Variants in DRD3 observed in about 807,000 individuals in gnomAD.
DRD3 encodes D(3) dopamine receptor.
Under a neutral mutation model 36.3 loss-of-function variants are expected in DRD3, and 19 were observed. The ratio of observed to expected loss-of-function variants is 0.52; its 90% CI spans 0.36 to 0.77. The LOEUF is 0.77. Ranked by LOEUF, DRD3 falls within the 30% of genes least tolerant of loss-of-function variation. DRD3 has a pLI of 0.00. For missense variants in DRD3, 465 were observed against 505.3 expected, an observed-to-expected ratio of 0.92 and a Z score of 0.77; for synonymous variants, 195 against 203.7, an observed-to-expected ratio of 0.96 and a Z score of 0.36.
chr3:114,139,547 G>T lies in DRD3; in HGVS notation c.676C>A (p.Arg226=). ...KQRRRKRILT[R]QNSQCNSVRP... is the part of the protein sequence containing the mutation. ...ACACTGTTGCACTGACTGTTCTGTC[G>T]AGTGAGGATCCTTTTCCGTCTCCTT... Residue 226 remains arginine, a synonymous_variant, in exon 5 of 7, where the codon CGA becomes AGA. Transcript: ENST00000383673. 3.1e-6 allele frequency: 5 copies of T among 1,614,074 alleles called. No individual in the cohort carries two copies. Among genetic ancestry groups the T allele is most frequent in the Non-Finnish European group, 4.2e-6 (5 of 1,179,996 alleles).
intron 4 of DRD3, among the ~76,000 whole-genome samples, chr3:114,146,698 CAA>C (rs72463214): frequency 5.0e-4 from 29 of 58,098 alleles, no homozygotes; most frequent in Middle Eastern, 0.01. Context: ...GACTTGGTCT[CAA>C]AAAAAAAAAA....
chr3:114,198,519 C>T (rs542433698), intron 1 of DRD3, among the ~76,000 whole-genome samples: 9 of 152,204 alleles, frequency 5.9e-5, no homozygotes, highest in Admixed American at 2.6e-4. Context: ...TCGTATTCTG[C>T]ACCTTACTTA....
At chr3:114,180,799 G>A (rs564267595), upstream of DRD3, among the ~76,000 whole-genome samples, 12 of 152,212 alleles carry the variant, frequency 7.9e-5, no homozygotes, top group South Asian at 2.3e-3. Context: ...TGAACTCCAA[G>A]GCTTTTCTTC....
chr3:114,161,576 G>A (rs2077733568), intron 2 of DRD3, among the ~76,000 whole-genome samples: 1 of 152,126 alleles, frequency 6.6e-6, no homozygotes, highest in Non-Finnish European at 1.5e-5. Flanking sequence ...AAGCAACAAT[G>A]AAAATTAAAA....
At chr3:114,153,426 G>A (rs2077636990) in intron 3 of DRD3, among the ~76,000 whole-genome samples, 1 of 152,064 alleles carries the variant, frequency 6.6e-6, no homozygotes, top group South Asian at 2.1e-4. Flanking sequence ...CCTGATATCA[G>A]GTAATATTAA....
chr3:114,149,646 T>A (rs1379924887), intron 3 of DRD3, among the ~76,000 whole-genome samples: 1 of 152,180 alleles, frequency 6.6e-6, no homozygotes, highest in Non-Finnish European at 1.5e-5. Context: ...AAAGGGAGAT[T>A]ATCTTGAGTG....
chr3:114,189,748 A>G (rs944263101), intron 1 of DRD3, among the ~76,000 whole-genome samples: 1 of 152,144 alleles, frequency 6.6e-6, no homozygotes, highest in South Asian at 2.1e-4. Context: ...CCTTTCTAGT[A>G]CCTGTCTTGC....
At chr3:114,193,486 C>T (rs1356284732) in intron 1 of DRD3, among the ~76,000 whole-genome samples, 1 of 152,192 alleles carries the variant, frequency 6.6e-6, no homozygotes, top group Non-Finnish European at 1.5e-5. Flanking sequence ...GCTCTTCCAG[C>T]CTGAAGGCTC....
rs866207080 is a variant in DRD3, at chr3:114,171,786, C to T, written c.207G>A (p.Val69=). The T allele has an allele frequency of 1.2e-6, 2 of 1,613,566 alleles. No individual in the cohort carries two copies. Among genetic ancestry groups the T allele is most frequent in the Non-Finnish European group, 1.7e-6 (2 of 1,179,720 alleles). The change falls in exon 2 of 7, where the codon GTG becomes GTA. Residue 69 remains valine, a synonymous_variant. Transcript: ENST00000383673. ...CCAGCAAGTCTGCCACAGCCAGGCTCACTACTAAGTAGTTGGTGGTAGTCT... is the reference window on the plus strand; with the variant it reads ...CCAGCAAGTCTGCCACAGCCAGGCTTACTACTAAGTAGTTGGTGGTAGTCT... ...ALQTTTNYLV[V]SLAVADLLVA... is the part of the protein sequence containing the mutation.
At chr3:114,197,568 T>C (rs113052131) in intron 1 of DRD3, among the ~76,000 whole-genome samples, 2,233 of 151,842 alleles carry the variant, frequency 0.015, 28 homozygotes, top group Middle Eastern at 0.034. Flanking sequence ...AAAAGTTTAG[T>C]ATTATCAGGT....
intron 2 of DRD3, among the ~76,000 whole-genome samples, chr3:114,162,419 G>A (rs914450137): frequency 6.6e-6 from 1 of 152,144 alleles, no homozygotes; most frequent in Non-Finnish European, 1.5e-5. Flanking sequence ...ACACCAACAG[G>A]AGCAGGAAGA....
chr3:114,132,830 TG>T (rs2077442792), intron 5 of DRD3, among the ~76,000 whole-genome samples: 1 of 152,238 alleles, frequency 6.6e-6, no homozygotes, highest in African/African-American at 2.4e-5. Flanking sequence ...TTGCAAAATA[TG>T]TGCCTTATTT....
chr3:114,152,561 C>G (rs946770190), intron 3 of DRD3, among the ~76,000 whole-genome samples: 1 of 152,208 alleles, frequency 6.6e-6, no homozygotes, highest in Non-Finnish European at 1.5e-5. Context: ...CCCCGCTTGT[C>G]ATAAGCCGAC....
In DRD3 at chr3:114,128,270, A is replaced by G. The variant is rs1372669955; in HGVS notation, c.*446T>C. Among the ~76,000 whole-genome samples, 1 of 152,228 alleles carries G rather than the reference A, an allele frequency of 6.6e-6. No individual in the cohort carries two copies. The highest frequency in any genetic ancestry group is 2.4e-5 in the African/African-American group (1 of 41,460). On this transcript the variant is annotated 3_prime_UTR_variant, in exon 7 of 7. Transcript: ENST00000383673. ...AAATGACCAAGAGGAATGGGCCCGT[A>G]AAAGTACAAGGTTAGCCTGACAGTT...
chr3:114,198,067 CATAAACAA>C (rs1334556198), intron 1 of DRD3, among the ~76,000 whole-genome samples: 1 of 152,114 alleles, frequency 6.6e-6, no homozygotes, highest in East Asian at 1.9e-4. Context: ...TCTTTTAACA[CATAAACAA>C]AAGTAAATCT....
chr3:114,129,468 G>A (rs1193689454), intron 6 of DRD3, among the ~76,000 whole-genome samples: 5 of 152,170 alleles, frequency 3.3e-5, no homozygotes, highest in Non-Finnish European at 7.3e-5. Context: ...TACTAAATCA[G>A]TTTTCTAGTT....
At chr3:114,161,475 A>C (rs917895705) in intron 2 of DRD3, among the ~76,000 whole-genome samples, 1 of 152,084 alleles carries the variant, frequency 6.6e-6, no homozygotes, top group African/African-American at 2.4e-5. Context: ...TTCCCATTGG[A>C]TTTATTTCTT....
intron 6 of DRD3, among the ~76,000 whole-genome samples, chr3:114,129,479 G>T (rs934294971): frequency 6.6e-6 from 1 of 152,174 alleles, no homozygotes; most frequent in African/African-American, 2.4e-5. Context: ...TTTTCTAGTT[G>T]GGTCTCTAGG....
intron 1 of DRD3, among the ~76,000 whole-genome samples, chr3:114,186,961 T>C (rs1218047461): frequency 6.6e-6 from 1 of 152,190 alleles, no homozygotes; most frequent in Non-Finnish European, 1.5e-5. Context: ...GGAAGTGTTA[T>C]TATGATGGAA....
Sources: gnomAD v4.1 joint callset for allele counts (sites outside exome capture counted in the v4.1 genomes callset) on GRCh38, gnomAD v4.1.1 for gene constraint, MANE v1.5 for transcripts, NCBI Gene and HGNC (gene_info 2026-07-23, HGNC 2026-07-21) for gene names.